The following KAZN variants were observed in gnomAD, a reference collection of about 807,000 sequenced individuals.
The protein encoded by KAZN is kazrin, periplakin interacting protein.
A neutral mutation model predicts 87.4 loss-of-function variants in KAZN; 40 were observed. The observed-to-expected ratio is 0.46, with a 90% CI of 0.36 to 0.60. KAZN has a LOEUF of 0.60. KAZN is among the 20% of genes least tolerant of loss of function. The probability of loss-of-function intolerance (pLI) is 0.00; values close to 1 mark genes in which losing one functional copy is unlikely to be tolerated. For missense variants in KAZN, 898 were observed against 1,073.9 expected, an observed-to-expected ratio of 0.84 and a Z score of 2.29; for synonymous variants, 466 against 458.3, an observed-to-expected ratio of 1.02 and a Z score of -0.22.
At chr1:14,076,378 C>T (rs1412411675) in intron 1 of KAZN, among the ~76,000 whole-genome samples, 1 of 152,108 alleles carries the variant, frequency 6.6e-6, no homozygotes, top group African/African-American at 2.4e-5. Context: ...CCAAGGAGTG[C>T]TGAAGATTGC....
At chr1:14,105,378 C>T (rs970241576) in intron 1 of KAZN, among the ~76,000 whole-genome samples, 1 of 152,184 alleles carries the variant, frequency 6.6e-6, no homozygotes, top group Non-Finnish European at 1.5e-5. Context: ...CCATTCAATA[C>T]AGAAAGAACA....
Position 14,280,048 on chromosome 1 carries a change from A to G in KAZN, c.249+99456A>G, listed in dbSNP as rs1571211594. On this transcript the variant is annotated intron_variant, in intron 2 of 16. Transcript: ENST00000636203. Reference sequence around the variant, plus strand: ...TGTGGCCCTATTTGGACCTACGGTCATCGGCATATGGACTTAGTTAAGATG... The same window carrying G: ...TGTGGCCCTATTTGGACCTACGGTCGTCGGCATATGGACTTAGTTAAGATG... Among the ~76,000 whole-genome samples the G allele has an allele frequency of 2.6e-5, 4 of 152,170 alleles. No individual in the cohort carries two copies. In the East Asian group the frequency reaches 5.8e-4, roughly 22 times the overall value.
rs6703533 is a variant in KAZN at position 15,099,752 on chromosome 1, C to A, written c.1548-1791C>A. 6.6e-6 allele frequency among the ~76,000 whole-genome samples: 1 copy of A among 152,136 alleles called. No homozygotes were observed. The highest frequency in any genetic ancestry group is 1.9e-4 in the East Asian group (1 of 5,182). ...TCACACTGACATTTTAAAAGGACCC[C>A]CTGGTGGTCCTGGGGGATGCGGAAT... On this transcript the variant is annotated intron_variant, in intron 10 of 14. Coordinates refer to ENST00000376030, the MANE Select transcript of KAZN (RefSeq NM_201628.3). The surrounding 1 kb of genome is among the most constrained non-coding windows in gnomAD (Gnocchi z 5.4).
At chr1:14,050,093 T>C (rs946894148) in intron 1 of KAZN, among the ~76,000 whole-genome samples, 2 of 143,380 alleles carry the variant, frequency 1.4e-5, no homozygotes, top group South Asian at 2.1e-4. Flanking sequence ...TGTGTACATG[T>C]GTGCATGTAT....
chr1:14,806,825 C>T (rs1487700563), intron 1 of KAZN, among the ~76,000 whole-genome samples: 1 of 152,154 alleles, frequency 6.6e-6, no homozygotes, highest in African/African-American at 2.4e-5. Flanking sequence ...GAGTTTGAAT[C>T]CAGATAGTCT....
At chr1:14,812,242 G>A (rs3845590) in intron 1 of KAZN, among the ~76,000 whole-genome samples, 67,010 of 151,988 alleles carry the variant, frequency 0.44, 16,242 homozygotes, top group African/African-American at 0.65. Flanking sequence ...CTGCCTCCAG[G>A]TGGACTCAGT....
At chr1:14,338,091 C>T (rs1230988687) in intron 2 of KAZN, among the ~76,000 whole-genome samples, 5 of 152,046 alleles carry the variant, frequency 3.3e-5, no homozygotes, top group Non-Finnish European at 7.4e-5. Flanking sequence ...GAGAGAGAAT[C>T]TCAATCTGCC....
chr1:14,162,239 TTTTC>T (rs1388339594), intron 1 of KAZN, among the ~76,000 whole-genome samples: 3 of 152,204 alleles, frequency 2.0e-5, no homozygotes, highest in African/African-American at 7.2e-5. Flanking sequence ...CATAGACCAC[TTTTC>T]TTTCTATCTC....
intron 1 of KAZN, among the ~76,000 whole-genome samples, chr1:13,956,709 A>G (rs1641564422): frequency 6.6e-6 from 1 of 152,114 alleles, no homozygotes; most frequent in Non-Finnish European, 1.5e-5. Flanking sequence ...TGCACCCACT[A>G]TTTTGTTGTT....
At chr1:14,324,316 G>C (rs948207405) in intron 2 of KAZN, among the ~76,000 whole-genome samples, 1 of 152,178 alleles carries the variant, frequency 6.6e-6, no homozygotes, top group African/African-American at 2.4e-5. Context: ...TTAGTGATTA[G>C]CTACTTGTGC....
At chr1:15,112,572 C>A (rs1641682433) in intron 14 of KAZN, 31 bp downstream of exon 14, 1 of 704,392 alleles carries the variant, frequency 1.4e-6, no homozygotes, top group African/African-American at 3.8e-5. Flanking sequence ...ACCTGTGAGT[C>A]CTGCAGACCC....
intron 1 of KAZN, among the ~76,000 whole-genome samples, chr1:14,912,058 A>T (rs1657308023): frequency 6.8e-6 from 1 of 148,008 alleles, no homozygotes; most frequent in African/African-American, 2.5e-5. Flanking sequence ...AGGCTGAGGC[A>T]GGAGAATCAC....
rs766602800 is a variant in KAZN, at chr1:15,094,223, G to A, written c.1266G>A (p.Leu422=). The A allele has an allele frequency of 2.5e-6, 4 of 1,613,868 alleles. No homozygotes were observed. Among genetic ancestry groups the A allele is most frequent in the Non-Finnish European group, 3.4e-6 (4 of 1,179,888 alleles). The change falls in exon 9 of 15, where the codon CTG becomes CTA. Residue 422 remains leucine (L), a synonymous_variant. Coordinates refer to ENST00000376030, the MANE Select transcript of KAZN (RefSeq NM_201628.3). The surrounding 1 kb of genome is among the most constrained non-coding windows in gnomAD (Gnocchi z 4.5). ...GCCCCACGCGGCAGAGCCTCAGCCT[G>A]TCGGAAGGCGAGGAGCAGATGGACC... ...QCSPTRQSLS[L]SEGEEQMDRL...
chr1:14,028,611 G>T lies in KAZN; in HGVS notation c.91+134855G>T, dbSNP rs537657947. Among the ~76,000 whole-genome samples, 26 of 152,248 alleles carry T rather than the reference G, an allele frequency of 1.7e-4. No individual in the cohort carries two copies. In the South Asian group the frequency reaches 2.3e-3, roughly 13 times the overall value. ...TTTAAAAAATTCAAGATCAATACAG[G>T]TTTATCATTTCTGCTCTTCATTTAT... is the stretch of plus-strand genomic sequence containing the variant. On this transcript the variant is annotated intron_variant, in intron 1 of 16. Coordinates refer to the KAZN transcript ENST00000636203.
At chr1:14,748,492 G>A (rs1197248070) in intron 1 of KAZN, among the ~76,000 whole-genome samples, 2 of 152,090 alleles carry the variant, frequency 1.3e-5, no homozygotes, top group African/African-American at 2.4e-5. Flanking sequence ...TTATCTCTTT[G>A]TGCCTCCGTC....
At chr1:14,869,398 C>T (rs565001106) in intron 1 of KAZN, among the ~76,000 whole-genome samples, 10 of 152,248 alleles carry the variant, frequency 6.6e-5, no homozygotes, top group East Asian at 1.9e-4. Context: ...TTCTGCACAG[C>T]GAGGCTCTAA....
chr1:14,326,201 C>G (rs564125370), intron 2 of KAZN, among the ~76,000 whole-genome samples: 85 of 152,236 alleles, frequency 5.6e-4, no homozygotes, highest in Non-Finnish European at 1.1e-3. Flanking sequence ...CCCCCTACCC[C>G]CGCCCCACCG....
At chr1:14,230,593 A>G (rs1158841697) in intron 2 of KAZN, among the ~76,000 whole-genome samples, 1 of 152,124 alleles carries the variant, frequency 6.6e-6, no homozygotes, top group Non-Finnish European at 1.5e-5. Context: ...TGGAATTTAC[A>G]CTACCTTCTA....
At chr1:14,885,898 T>C (rs931710334) in intron 1 of KAZN, among the ~76,000 whole-genome samples, 2 of 152,178 alleles carry the variant, frequency 1.3e-5, no homozygotes, top group African/African-American at 4.8e-5. Flanking sequence ...TACAGGTTTC[T>C]CAACTTCAGA....
Sources: gnomAD v4.1 joint callset for allele counts (sites outside exome capture counted in the v4.1 genomes callset) on GRCh38, gnomAD v4.1.1 for gene constraint, Gnocchi (gnomAD v3.1) non-coding constraint, MANE v1.5 for transcripts, NCBI Gene and HGNC (gene_info 2026-07-23, HGNC 2026-07-21) for gene names.